Variants in FBXL20 observed in about 807,000 individuals in gnomAD.
FBXL20 encodes F-box/LRR-repeat protein 20.
Under a neutral mutation model 64.0 loss-of-function variants are expected in FBXL20, and 11 were observed. The ratio of observed to expected loss-of-function variants is 0.17; its 90% CI spans 0.11 to 0.28. The LOEUF is 0.28. Among genes scored for constraint, FBXL20 ranks in the 10% least tolerant of loss-of-function variants. The pLI is 1.00. For missense variants in FBXL20, 303 were observed against 526.2 expected (o/e 0.58, Z 4.15); for synonymous variants, 184 against 189.0 (o/e 0.97, Z 0.22).
At chr17:39,325,052 A>T (rs1341114391) in intron 2 of FBXL20, among the ~76,000 whole-genome samples, 1 of 152,168 alleles carries the variant, frequency 6.6e-6, no homozygotes, top group Non-Finnish European at 1.5e-5. Context: ...TACAAAAAAT[A>T]CAAAAATTAG....
At chr17:39,265,959 C>T (rs1370160505) in intron 12 of FBXL20, among the ~76,000 whole-genome samples, 1 of 151,910 alleles carries the variant, frequency 6.6e-6, no homozygotes, top group Non-Finnish European at 1.5e-5. Flanking sequence ...GTTACCCAGA[C>T]TGGTCTTCAA....
chr17:39,303,663 A>C lies in FBXL20; in HGVS notation c.105-24T>G, dbSNP rs763350864. 6.3e-7 allele frequency: 1 copy of C among 1,590,236 alleles called. No individual in the cohort carries two copies. Among genetic ancestry groups the C allele is most frequent in the Non-Finnish European group, 8.6e-7 (1 of 1,165,434 alleles). ...TCCTAAAAAGAAAAGAGAGAAAGAC[A>C]AATTTTATTGTATGATAAAGTAGTT... On this transcript the variant is annotated intron_variant, in intron 2 of 14. Coordinates refer to ENST00000264658, the MANE Select transcript of FBXL20 (RefSeq NM_032875.3).
At position 39,271,432 on chromosome 17, in the gene FBXL20, T is replaced by C. The variant is rs111245409; in HGVS notation, c.828-576A>G. ...GGCCAACACGGTGAAACCCCATTTC[T>C]ACCAAAAATGCAAAAATTAGTCTGG... On this transcript the variant is annotated intron_variant, in intron 10 of 14. Coordinates refer to ENST00000264658, the MANE Select transcript of FBXL20 (RefSeq NM_032875.3). Among the ~76,000 whole-genome samples the C allele has an allele frequency of 5.7e-3, 862 of 150,220 alleles. 3 individuals carry two copies. Among genetic ancestry groups the C allele is most frequent in the Non-Finnish European group, 8.6e-3 (579 of 67,422 alleles).
intron 4 of FBXL20, among the ~76,000 whole-genome samples, chr17:39,299,356 T>G (rs548112848): frequency 4.3e-4 from 65 of 152,318 alleles, no homozygotes; most frequent in Non-Finnish European, 7.1e-4. Context: ...TGGCATTATA[T>G]GCATATATAC....
intron 1 of FBXL20, among the ~76,000 whole-genome samples, chr17:39,380,268 G>C (rs2048009469): frequency 6.6e-6 from 1 of 152,104 alleles, no homozygotes; most frequent in Non-Finnish European, 1.5e-5. Context: ...ATAAAATTCA[G>C]AGCTTAAAAT....
rs138063037 is a variant in FBXL20 at position 39,317,850 on chromosome 17, C to T, written c.105-14211G>A. 5.3e-5 allele frequency among the ~76,000 whole-genome samples: 8 copies of T among 151,738 alleles called. No individual in the cohort carries two copies. The East Asian group carries it at 9.8e-4, about 19-fold the overall frequency. ...CCCAGCAGCTGGGACTACAGGTGCACGCCACCACGCCCAGCTATTTTTTTG... is the reference window on the plus strand; with the variant it reads ...CCCAGCAGCTGGGACTACAGGTGCATGCCACCACGCCCAGCTATTTTTTTG... On this transcript the variant is annotated intron_variant, in intron 2 of 14. Transcript: ENST00000264658.
Position 39,259,981 on chromosome 17 carries a change from T to TAAAAA in FBXL20, c.*1474_*1478dup, listed in dbSNP as rs754354912. The TAAAAA allele has an allele frequency of 6.4e-5, 5 of 78,524 alleles. No individual in the cohort carries two copies. Among genetic ancestry groups the TAAAAA allele is most frequent in the Admixed American group, 3.1e-4 (2 of 6,430 alleles). 4.9% of individuals were successfully genotyped at this position (78,524 alleles called of 1,614,324 possible). A position where few individuals can be genotyped will look rare whatever the true frequency, so the allele number is the denominator to read the frequency against. The stretch of plus-strand genomic sequence containing the variant: ...TCTGGGCAAGAGTGAGAACCCGTCT[T>TAAAAA]AAAAAAAAAAAAAAAAAAAAAAAAA... On this transcript the variant is annotated 3_prime_UTR_variant, in exon 15 of 15. Coordinates refer to ENST00000264658, the MANE Select transcript of FBXL20 (RefSeq NM_032875.3).
chr17:39,363,436 T>C (rs1363603366), intron 1 of FBXL20, among the ~76,000 whole-genome samples: 1 of 151,956 alleles, frequency 6.6e-6, no homozygotes, highest in Non-Finnish European at 1.5e-5. Context: ...AGATTACAGG[T>C]GTGAGCCACC....
chr17:39,382,581 C>T (rs1447955054), intron 1 of FBXL20, among the ~76,000 whole-genome samples: 1 of 152,060 alleles, frequency 6.6e-6, no homozygotes. Flanking sequence ...ACCTGTAATG[C>T]TAACACTTCA....
intron 2 of FBXL20, among the ~76,000 whole-genome samples, chr17:39,309,695 C>A (rs1214508821): frequency 6.7e-6 from 1 of 149,180 alleles, no homozygotes; most frequent in Non-Finnish European, 1.5e-5. Context: ...CAGCTACTTG[C>A]ACAGGAGATT....
chr17:39,388,708 T>C (rs2144671056), intron 1 of FBXL20, among the ~76,000 whole-genome samples: 1 of 151,056 alleles, frequency 6.6e-6, no homozygotes, highest in African/African-American at 2.4e-5. Context: ...GGTCTCGATC[T>C]CTTGACCTCG....
Position 39,355,861 on chromosome 17 carries a change from A to G in FBXL20, c.43-12620T>C, listed in dbSNP as rs868356387. 2.8e-3 allele frequency among the ~76,000 whole-genome samples: 420 copies of G among 150,002 alleles called. 3 individuals are homozygous for G. The Middle Eastern group carries it at 0.066, about 24-fold the overall frequency. On this transcript the variant is annotated intron_variant, in intron 1 of 14. Coordinates refer to ENST00000264658, the MANE Select transcript of FBXL20 (RefSeq NM_032875.3). ...CAAAATCGAGACTTCGTCTCAAAAA[A>G]AAAAAAAAAAAAAAAGAACTCCTTT...
At chr17:39,400,783 G>C (rs1027716883) in intron 1 of FBXL20, among the ~76,000 whole-genome samples, 2 of 152,148 alleles carry the variant, frequency 1.3e-5, no homozygotes, top group South Asian at 2.1e-4. Context: ...AAGGAACAAT[G>C]AGCTACAGAA....
intron 1 of FBXL20, among the ~76,000 whole-genome samples, chr17:39,387,312 T>G (rs1264669402): frequency 6.9e-6 from 1 of 144,112 alleles, no homozygotes; most frequent in Non-Finnish European, 1.5e-5. Flanking sequence ...AAAGTCCCAC[T>G]CTTGTCCCCC....
intron 2 of FBXL20, among the ~76,000 whole-genome samples, chr17:39,308,887 G>A (rs1462471753): frequency 1.3e-5 from 2 of 151,900 alleles, no homozygotes; most frequent in African/African-American, 2.4e-5. Context: ...TTTTTTAAAA[G>A]GTAGAGAGGA....
At chr17:39,390,637 G>A (rs1270732808) in intron 1 of FBXL20, among the ~76,000 whole-genome samples, 2 of 152,076 alleles carry the variant, frequency 1.3e-5, no homozygotes, top group Non-Finnish European at 2.9e-5. Flanking sequence ...AGAGGTGGGA[G>A]GATGGCCTGG....
chr17:39,315,454 CTCT>C (rs1025468057), intron 2 of FBXL20, among the ~76,000 whole-genome samples: 6 of 148,080 alleles, frequency 4.1e-5, no homozygotes, highest in Non-Finnish European at 7.4e-5. Context: ...CGTTTTCTTC[CTCT>C]TCCTTTCCTT....
chr17:39,296,982 T>C (rs2052717811), intron 6 of FBXL20, 145 bp downstream of exon 6: 1 of 497,708 alleles, frequency 2.0e-6, no homozygotes, highest in South Asian at 4.0e-5. Flanking sequence ...ATTTCTACTT[T>C]GATGTTGCTT....
chr17:39,395,619 T>A (rs557600563), intron 1 of FBXL20, among the ~76,000 whole-genome samples: 1 of 152,336 alleles, frequency 6.6e-6, no homozygotes, highest in East Asian at 1.9e-4. Context: ...GTTTCACCAG[T>A]ACTCAATCCC....
Sources: allele counts gnomAD v4.1 joint callset (sites outside exome capture counted in the v4.1 genomes callset), GRCh38; gene constraint gnomAD v4.1.1; transcripts MANE v1.5; gene names NCBI Gene and HGNC (gene_info 2026-07-23, HGNC 2026-07-21).